LDLRAD4: variants seen among roughly 807,000 people sequenced by gnomAD.
The protein encoded by LDLRAD4 is low-density lipoprotein receptor class A domain-containing protein 4.
Under a neutral mutation model 17.0 loss-of-function variants are expected in LDLRAD4, and 5 were observed. The observed-to-expected ratio is 0.29, with a 90% CI of 0.15 to 0.62. The LOEUF is 0.62. Ranked by LOEUF, LDLRAD4 falls within the 20% of genes least tolerant of loss-of-function variation. The pLI is 0.84. For synonymous variants in LDLRAD4, 168 were observed against 171.8 expected, an observed-to-expected ratio of 0.98 and a Z score of 0.17; for missense variants, 340 against 424.7, an observed-to-expected ratio of 0.80 and a Z score of 1.75.
chr18:13,579,644 A>G (rs2094828129), intron 3 of LDLRAD4, among the ~76,000 whole-genome samples: 1 of 152,254 alleles, frequency 6.6e-6, no homozygotes, highest in African/African-American at 2.4e-5. Flanking sequence ...GTGGAGACAT[A>G]TCACTGGACT....
In LDLRAD4 at chr18:13,450,331, C is replaced by CT. The variant is rs998889298; in HGVS notation, c.181+11947_181+11948insT. On this transcript the variant is annotated intron_variant, in intron 3 of 5. Coordinates refer to ENST00000359446, the Ensembl canonical transcript of LDLRAD4. Reference sequence around the variant, plus strand: ...CAGTTAGCTTCTCTCCCCCCACCCCCCCCCCCAAAAAAACACACAAGATCC... The same window carrying CT: ...CAGTTAGCTTCTCTCCCCCCACCCCCTCCCCCCAAAAAAACACACAAGATCC... 7.4e-4 allele frequency among the ~76,000 whole-genome samples: 89 copies of CT among 120,028 alleles called. 3 individuals are homozygous for CT. The highest frequency in any genetic ancestry group is 2.7e-3 in the African/African-American group (85 of 31,058). The allele number at this position is 120,028 out of a possible 152,430, so 78.7% of individuals were successfully genotyped here.
At chr18:13,295,020 G>A (rs1229178294) in intron 1 of LDLRAD4, among the ~76,000 whole-genome samples, 2 of 152,068 alleles carry the variant, frequency 1.3e-5, no homozygotes, top group East Asian at 1.9e-4. Flanking sequence ...AAGGTCATGC[G>A]TTGGATTCAT....
intron 2 of LDLRAD4, among the ~76,000 whole-genome samples, chr18:13,417,582 G>A (rs1352699957): frequency 8.5e-5 from 13 of 152,068 alleles, no homozygotes; most frequent in South Asian, 2.1e-4. Flanking sequence ...ACAGGCGCCC[G>A]CCACCACACC....
chr18:13,533,195 C>T (rs145744317), intron 3 of LDLRAD4, among the ~76,000 whole-genome samples: 189 of 152,300 alleles, frequency 1.2e-3, no homozygotes, highest in African/African-American at 4.3e-3. Flanking sequence ...CACAGGGCTT[C>T]TGTCTGAATA....
At chr18:13,599,388 C>T (rs2095133227) in intron 3 of LDLRAD4, among the ~76,000 whole-genome samples, 1 of 151,994 alleles carries the variant, frequency 6.6e-6, no homozygotes, top group Non-Finnish European at 1.5e-5. Context: ...TTCAGAGACT[C>T]AAAATGGTTA....
rs554219295 is a variant in LDLRAD4, at chr18:13,577,304, A to G, written c.182-43813A>G. Among the ~76,000 whole-genome samples, 6 of 152,308 alleles carry G rather than the reference A, an allele frequency of 3.9e-5. No individual in the cohort carries two copies. In the East Asian group the frequency reaches 7.7e-4, roughly 20 times the overall value. ...GGTTGTGTAATGGACAACAAAGGAC[A>G]TGTTCAGCAGCTTTTGAGAACTGAG... On this transcript the variant is annotated intron_variant, in intron 3 of 5. Coordinates refer to ENST00000359446, the Ensembl canonical transcript of LDLRAD4.
intron 4 of LDLRAD4, among the ~76,000 whole-genome samples, chr18:13,633,366 T>A (rs1402993888): frequency 6.6e-6 from 1 of 152,266 alleles, no homozygotes; most frequent in African/African-American, 2.4e-5. Flanking sequence ...CATTCCTGGC[T>A]TGAAGGTGGG....
chr18:13,552,482 G>T (rs1156868585), intron 3 of LDLRAD4, among the ~76,000 whole-genome samples: 2 of 152,136 alleles, frequency 1.3e-5, no homozygotes, highest in Non-Finnish European at 2.9e-5. Context: ...TGCCTTTAAG[G>T]TTCCCTTAGC....
At chr18:13,509,209 G>T (rs1282779264) in intron 3 of LDLRAD4, among the ~76,000 whole-genome samples, 1 of 152,212 alleles carries the variant, frequency 6.6e-6, no homozygotes, top group Non-Finnish European at 1.5e-5. Flanking sequence ...AGCTGCTCAG[G>T]AGGCTGAAGT....
intron 1 of LDLRAD4, among the ~76,000 whole-genome samples, chr18:13,353,254 T>C (rs2083148111): frequency 6.6e-6 from 1 of 151,974 alleles, no homozygotes; most frequent in Non-Finnish European, 1.5e-5. Context: ...CTTTCTAGAG[T>C]GGCTTTGTGT....
At chr18:13,512,718 C>G (rs756381203) in intron 3 of LDLRAD4, among the ~76,000 whole-genome samples, 7 of 152,232 alleles carry the variant, frequency 4.6e-5, no homozygotes, top group Non-Finnish European at 1.0e-4. Flanking sequence ...CCTCCTCTAA[C>G]TCTAACTGCA....
intron 1 of LDLRAD4, among the ~76,000 whole-genome samples, chr18:13,328,224 C>T (rs567432330): frequency 1.3e-5 from 2 of 152,328 alleles, no homozygotes; most frequent in African/African-American, 4.8e-5. Flanking sequence ...TCCTCTGCTT[C>T]ACCTTTTGAT....
At chr18:13,597,682 T>C (rs543281398) in intron 3 of LDLRAD4, among the ~76,000 whole-genome samples, 2 of 152,346 alleles carry the variant, frequency 1.3e-5, no homozygotes, top group African/African-American at 4.8e-5. Flanking sequence ...ATCTCTCTTA[T>C]GTCAGTTTAG....
At chr18:13,485,767 G>A (rs892635826) in intron 3 of LDLRAD4, among the ~76,000 whole-genome samples, 5 of 152,174 alleles carry the variant, frequency 3.3e-5, no homozygotes, top group East Asian at 1.9e-4. Context: ...GAATCCCAGC[G>A]ACTTCAGAGG....
chr18:13,322,711 G>A (rs775639584), intron 1 of LDLRAD4, among the ~76,000 whole-genome samples: 15 of 151,568 alleles, frequency 9.9e-5, no homozygotes, highest in East Asian at 1.9e-4. Context: ...TCTGCCTCCC[G>A]AGTTCAAAAA....
chr18:13,323,707 G>A (rs548935918), intron 1 of LDLRAD4, among the ~76,000 whole-genome samples: 87 of 152,260 alleles, frequency 5.7e-4, no homozygotes, highest in African/African-American at 2.0e-3. Context: ...TATATATAAG[G>A]TATAAGGATT....
intron 3 of LDLRAD4, chr18:13,526,705 G>A (rs67209736): frequency 0.074 from 11,249 of 152,262 alleles, 700 homozygotes; most frequent in East Asian, 0.33. Flanking sequence ...ATGTGTCATC[G>A]TTTCATCTTT....
At chr18:13,404,465 C>T (rs955458032) in intron 2 of LDLRAD4, among the ~76,000 whole-genome samples, 8 of 152,210 alleles carry the variant, frequency 5.3e-5, no homozygotes, top group Non-Finnish European at 7.3e-5. Flanking sequence ...GGTGCTGCTC[C>T]TGTGCTGGGC....
At chr18:13,442,357 C>T (rs2091078141) in intron 3 of LDLRAD4, among the ~76,000 whole-genome samples, 2 of 152,138 alleles carry the variant, frequency 1.3e-5, no homozygotes, top group Non-Finnish European at 2.9e-5. Flanking sequence ...GAGATTCATC[C>T]TGGTTGGATT....
Sources: gnomAD v4.1 joint callset for allele counts (sites outside exome capture counted in the v4.1 genomes callset) on GRCh38, gnomAD v4.1.1 for gene constraint, MANE v1.5 for transcripts, NCBI Gene and HGNC (gene_info 2026-07-23, HGNC 2026-07-21) for gene names.